The following CENPW variants were observed in gnomAD, a reference collection of about 807,000 sequenced individuals.
CENPW encodes centromere protein W.
Under a neutral mutation model 11.1 loss-of-function variants are expected in CENPW, and 3 were observed. The observed-to-expected ratio is 0.27, with a 90% confidence interval of 0.12 to 0.70. CENPW has a LOEUF of 0.70. Among genes scored for constraint, CENPW ranks in the 30% least tolerant of loss-of-function variants. The pLI, the probability that CENPW is intolerant of heterozygous loss-of-function variation, is 0.77. For synonymous variants in CENPW, 38 were observed against 42.0 expected (o/e 0.91, Z 0.37); for missense variants, 100 against 105.6 (o/e 0.95, Z 0.23).
At chr6:126,459,309 A>G in the CENPW span, among the ~76,000 whole-genome samples, 3 of 151,500 alleles carry the variant, frequency 2.0e-5, no homozygotes, top group Non-Finnish European at 4.4e-5. Flanking sequence ...TAGAGAGTCT[A>G]TATTTTAGAC....
At chr6:126,347,951 T>C (rs1225162792) in intron 2 of CENPW, among the ~76,000 whole-genome samples, 1 of 151,954 alleles carries the variant, frequency 6.6e-6, no homozygotes, top group Non-Finnish European at 1.5e-5. Flanking sequence ...AGATGACTAG[T>C]TTTAGTCTCA....
At chr6:126,446,234 T>C in the CENPW span, among the ~76,000 whole-genome samples, 1 of 151,058 alleles carries the variant, frequency 6.6e-6, no homozygotes, top group Non-Finnish European at 1.5e-5. Flanking sequence ...CAAAGAGTGT[T>C]TGAAAAACAC....
intron 1 of CENPW, among the ~76,000 whole-genome samples, chr6:126,345,740 T>C (rs537521621): frequency 6.6e-6 from 1 of 152,286 alleles, no homozygotes; most frequent in East Asian, 1.9e-4. Context: ...TATTAACATG[T>C]TTTTTAATAA....
chr6:126,424,206 C>T, the CENPW span, among the ~76,000 whole-genome samples: 216 of 152,148 alleles, frequency 1.4e-3, 5 homozygotes, highest in East Asian at 0.039. Context: ...AATAATACTT[C>T]ATTTTATTCG....
chr6:126,419,025 A>G, the CENPW span, among the ~76,000 whole-genome samples: 1 of 152,096 alleles, frequency 6.6e-6, no homozygotes, highest in Admixed American at 6.6e-5. Flanking sequence ...GCACATGTAT[A>G]CATATGTAGC....
the CENPW span, among the ~76,000 whole-genome samples, chr6:126,385,202 T>C: frequency 6.6e-6 from 1 of 152,262 alleles, no homozygotes; most frequent in South Asian, 2.1e-4. Flanking sequence ...GTGTGGCAGT[T>C]CCTCAAAGAG....
chr6:126,353,562 T>G (rs925370034), downstream of CENPW, among the ~76,000 whole-genome samples: 2 of 152,046 alleles, frequency 1.3e-5, no homozygotes, highest in Non-Finnish European at 2.9e-5. Context: ...TTTTTTGTTG[T>G]TGTTTCCCTT....
At chr6:126,352,962 A>G (rs1466869116), downstream of CENPW, among the ~76,000 whole-genome samples, 1 of 152,084 alleles carries the variant, frequency 6.6e-6, no homozygotes, top group Non-Finnish European at 1.5e-5. Context: ...TATATCCTCT[A>G]TCAATCTGCT....
the CENPW span, among the ~76,000 whole-genome samples, chr6:126,431,150 G>A: frequency 2.0e-4 from 31 of 152,220 alleles, no homozygotes; most frequent in East Asian, 1.5e-3. Context: ...GCCAAGGAGA[G>A]GTTAAGTATA....
chr6:126,432,338 CTGGGGTA>C, the CENPW span, among the ~76,000 whole-genome samples: 98 of 152,198 alleles, frequency 6.4e-4, no homozygotes, highest in African/African-American at 1.7e-3. Context: ...ACCCATGGAA[CTGGGGTA>C]TGGCTTATAT....
At chr6:126,443,502 C>T in the CENPW span, among the ~76,000 whole-genome samples, 43 of 151,394 alleles carry the variant, frequency 2.8e-4, 1 homozygote, top group Non-Finnish European at 5.9e-5. Context: ...TCAGGAGGCA[C>T]ATGCCTGGTT....
At chr6:126,371,969 GTC>G in the CENPW span, among the ~76,000 whole-genome samples, 2 of 151,818 alleles carry the variant, frequency 1.3e-5, no homozygotes, top group Non-Finnish European at 2.9e-5. Context: ...TATTTGGATT[GTC>G]TCTCTTCTTT....
chr6:126,403,824 C>T, the CENPW span, among the ~76,000 whole-genome samples: 1 of 151,786 alleles, frequency 6.6e-6, no homozygotes, highest in Non-Finnish European at 1.5e-5. Flanking sequence ...TTACACTAAA[C>T]AACACATTTT....
the CENPW span, among the ~76,000 whole-genome samples, chr6:126,412,171 A>T: frequency 1.6e-5 from 2 of 128,600 alleles, no homozygotes; most frequent in Non-Finnish European, 3.3e-5. Context: ...AATTTTTTGT[A>T]AAGGTAGAGT....
the CENPW span, among the ~76,000 whole-genome samples, chr6:126,364,681 G>C: frequency 0.49 from 74,808 of 151,888 alleles, 19,529 homozygotes; most frequent in East Asian, 0.97. Context: ...AAACAACTCT[G>C]TTGTGAATGA....
chr6:126,404,249 A>C, the CENPW span, among the ~76,000 whole-genome samples: 1 of 152,126 alleles, frequency 6.6e-6, no homozygotes, highest in East Asian at 1.9e-4. Flanking sequence ...CTGCTAACAC[A>C]ATATCCATTC....
the CENPW span, among the ~76,000 whole-genome samples, chr6:126,372,971 T>C: frequency 6.6e-6 from 1 of 152,248 alleles, no homozygotes; most frequent in Admixed American, 6.5e-5. Context: ...TGGATGCAAC[T>C]GAGTCATTTT....
chr6:126,442,655 A>C, the CENPW span, among the ~76,000 whole-genome samples: 20 of 151,464 alleles, frequency 1.3e-4, no homozygotes, highest in East Asian at 3.9e-3. Flanking sequence ...TACTCACAAA[A>C]AGATAGTCAA....
At chr6:126,437,386 G>A in the CENPW span, among the ~76,000 whole-genome samples, 1 of 151,838 alleles carries the variant, frequency 6.6e-6, no homozygotes. Flanking sequence ...GTTGAATTTG[G>A]TTTTCCACCA....
Sources: allele counts gnomAD v4.1 joint callset (sites outside exome capture counted in the v4.1 genomes callset), GRCh38; gene constraint gnomAD v4.1.1; transcripts MANE v1.5; gene names NCBI Gene and HGNC (gene_info 2026-07-23, HGNC 2026-07-21).